The following TXNDC16 variants were observed in gnomAD, a reference collection of about 807,000 sequenced individuals.
TXNDC16 encodes the protein thioredoxin domain containing 16.
Under a neutral mutation model 85.6 loss-of-function variants are expected in TXNDC16, and 74 were observed. The observed-to-expected ratio is 0.86, with a 90% CI of 0.72 to 1.05. The LOEUF (loss-of-function observed/expected upper bound fraction) is 1.05. TXNDC16 is among the 50% of genes least tolerant of loss of function. The pLI is 0.00. For synonymous variants in TXNDC16, 335 were observed against 326.5 expected, an observed-to-expected ratio of 1.03 and a Z score of -0.28; for missense variants, 959 against 947.0, an observed-to-expected ratio of 1.01 and a Z score of -0.17.
chr14:52,506,772 G>A (rs1180332134), intron 9 of TXNDC16, among the ~76,000 whole-genome samples: 1 of 142,564 alleles, frequency 7.0e-6, no homozygotes, highest in Non-Finnish European at 1.5e-5. Context: ...TAGCCAGGAT[G>A]GTCTCGATCT....
chr14:52,469,978 T>A, intron 16 of TXNDC16, 59 bp downstream of exon 16: 1 of 1,430,658 alleles, frequency 7.0e-7, no homozygotes. Context: ...TCTTAAAAAA[T>A]AAAACTAGCA....
At chr14:52,485,284 T>C (rs950846626) in intron 12 of TXNDC16, among the ~76,000 whole-genome samples, 1 of 152,188 alleles carries the variant, frequency 6.6e-6, no homozygotes, top group Non-Finnish European at 1.5e-5. Context: ...GCTTATAGCA[T>C]AAGGATATAA....
intron 12 of TXNDC16, 54 bp downstream of exon 12, chr14:52,488,309 G>A: frequency 6.3e-7 from 1 of 1,586,944 alleles, no homozygotes; most frequent in East Asian, 2.3e-5. Flanking sequence ...AAATTTCACT[G>A]ACTTTATGGG....
intron 14 of TXNDC16, among the ~76,000 whole-genome samples, chr14:52,480,580 A>C (rs779182463): frequency 7.2e-5 from 11 of 152,084 alleles, no homozygotes; most frequent in South Asian, 2.1e-4. Flanking sequence ...ATGCTCAACA[A>C]CACCAATGAT....
At chr14:52,447,516 C>T (rs2035312488) in intron 18 of TXNDC16, among the ~76,000 whole-genome samples, 1 of 152,172 alleles carries the variant, frequency 6.6e-6, no homozygotes, top group African/African-American at 2.4e-5. Flanking sequence ...GTGGTGGTGG[C>T]CCCTGAGGGT....
At chr14:52,499,388 A>G (rs1324545933) in intron 9 of TXNDC16, among the ~76,000 whole-genome samples, 1 of 152,176 alleles carries the variant, frequency 6.6e-6, no homozygotes, top group Admixed American at 6.5e-5. Flanking sequence ...ATATGAGATA[A>G]AGAGTTAACA....
At chr14:52,444,933 G>T (rs767708830) in intron 18 of TXNDC16, among the ~76,000 whole-genome samples, 1 of 151,986 alleles carries the variant, frequency 6.6e-6, no homozygotes, top group Non-Finnish European at 1.5e-5. Flanking sequence ...CCATCAAGAG[G>T]AAATGGGCTA....
chr14:52,472,675 T>C (rs1331135660), intron 14 of TXNDC16, among the ~76,000 whole-genome samples: 3 of 152,194 alleles, frequency 2.0e-5, no homozygotes, highest in Admixed American at 6.5e-5. Context: ...TAAACCCTTA[T>C]TTCTTCCCAA....
rs75207176 is a variant in TXNDC16 at position 52,531,567 on chromosome 14, G to C, written c.392+5152C>G. Among the ~76,000 whole-genome samples the C allele has an allele frequency of 4.8e-3, 729 of 152,234 alleles. 14 individuals are homozygous for C. The highest frequency in any genetic ancestry group is 0.039 in the Admixed American group (600 of 15,268). On this transcript the variant is annotated intron_variant, in intron 6 of 20. Transcript: ENST00000281741. ...AAGTGCAAGAAGCCAAGATGAAAAG[G>C]CTACATGCTATATGATTCCAATTGT...
chr14:52,458,292 C>CTCA (rs1317676729), intron 16 of TXNDC16, among the ~76,000 whole-genome samples: 2 of 152,160 alleles, frequency 1.3e-5, no homozygotes, highest in Admixed American at 1.3e-4. Flanking sequence ...GGTGCGGTAG[C>CTCA]TCACGCCTGT....
intron 9 of TXNDC16, among the ~76,000 whole-genome samples, chr14:52,508,350 T>C (rs1457837345): frequency 1.3e-5 from 2 of 152,036 alleles, no homozygotes; most frequent in Non-Finnish European, 2.9e-5. Context: ...GAAATGCAAA[T>C]CAAAACCACA....
rs2037827159 is a variant in TXNDC16, at chr14:52,541,333, G to C, written c.243+1038C>G. ...TTCTATTCAAGTTACTATATGCATA[G>C]TTATTAGCGACAGTCTACCAGTTAC... On this transcript the variant is annotated intron_variant, in intron 4 of 20. Transcript: ENST00000281741. 2.6e-5 allele frequency among the ~76,000 whole-genome samples: 4 copies of C among 152,030 alleles called. No homozygotes were observed. The South Asian group carries it at 8.3e-4, about 31-fold the overall frequency.
At chr14:52,547,559 A>C (rs1254215989) in intron 1 of TXNDC16, among the ~76,000 whole-genome samples, 1 of 152,218 alleles carries the variant, frequency 6.6e-6, no homozygotes, top group African/African-American at 2.4e-5. Context: ...TAGAGAACTC[A>C]GGGAACAGAA....
intron 14 of TXNDC16, among the ~76,000 whole-genome samples, chr14:52,481,020 A>C (rs1462747346): frequency 6.7e-6 from 1 of 148,482 alleles, no homozygotes; most frequent in Non-Finnish European, 1.5e-5. Flanking sequence ...CTACTCAGCC[A>C]CAAAAAGGAA....
At chr14:52,478,923 C>G (rs1276087956) in intron 14 of TXNDC16, among the ~76,000 whole-genome samples, 1 of 152,128 alleles carries the variant, frequency 6.6e-6, no homozygotes, top group Non-Finnish European at 1.5e-5. Context: ...CAACAAAACA[C>G]TAGCTAACTG....
intron 17 of TXNDC16, 30 bp from the exon 18 acceptor site, chr14:52,455,492 G>A (rs148961675): frequency 1.8e-5 from 29 of 1,611,440 alleles, no homozygotes; most frequent in African/African-American, 1.5e-4. Context: ...TAAAATTCAC[G>A]ATCAAAATCT....
In TXNDC16 at chr14:52,478,772, C is replaced by T. The variant is rs553900901; in HGVS notation, c.1312+3458G>A. On this transcript the variant is annotated intron_variant, in intron 14 of 20. Transcript: ENST00000281741. ...TGGTACCAATCCTATTGACACTATTCCACAAGATAGAGAAAAAGGGAACCC... is the reference window on the plus strand; with the variant it reads ...TGGTACCAATCCTATTGACACTATTTCACAAGATAGAGAAAAAGGGAACCC... Among the ~76,000 whole-genome samples the T allele has an allele frequency of 4.6e-5, 7 of 152,154 alleles. No individual in the cohort carries two copies. The South Asian group carries it at 1.4e-3, about 32-fold the overall frequency.
At chr14:52,457,258 A>G in intron 16 of TXNDC16, 84 bp from the exon 17 acceptor site, 1 of 688,706 alleles carries the variant, frequency 1.5e-6, no homozygotes, top group East Asian at 3.0e-5. Context: ...TATAGGTGGT[A>G]GTATTTCATT....
chr14:52,512,533 G>A (rs2036980326), intron 8 of TXNDC16, among the ~76,000 whole-genome samples: 1 of 152,172 alleles, frequency 6.6e-6, no homozygotes. Context: ...GTCACATACT[G>A]CTGAAAGGAA....
Sources: gnomAD v4.1 joint callset for allele counts (sites outside exome capture counted in the v4.1 genomes callset) on GRCh38, gnomAD v4.1.1 for gene constraint, MANE v1.5 for transcripts, NCBI Gene and HGNC (gene_info 2026-07-23, HGNC 2026-07-21) for gene names.